Variants in CNTN3 observed in about 807,000 individuals in gnomAD.
CNTN3 encodes the protein contactin 3.
Under a neutral mutation model 119.1 loss-of-function variants are expected in CNTN3, and 60 were observed. The ratio of observed to expected loss-of-function variants is 0.50; its 90% confidence interval spans 0.41 to 0.62. The LOEUF is 0.62. CNTN3 is among the 20% of genes least tolerant of loss of function. The probability of loss-of-function intolerance (pLI) is 0.00; values close to 1 mark genes in which losing one functional copy is unlikely to be tolerated. For synonymous variants in CNTN3, 450 were observed against 438.7 expected, an observed-to-expected ratio of 1.03 and a Z score of -0.32; for missense variants, 1,101 against 1,242.4, an observed-to-expected ratio of 0.89 and a Z score of 1.71.
At chr3:74,509,638 T>C (rs937415138) in intron 2 of CNTN3, among the ~76,000 whole-genome samples, 9 of 152,174 alleles carry the variant, frequency 5.9e-5, no homozygotes, top group East Asian at 3.9e-4. Context: ...GCACAGATTA[T>C]AAATAAGTAA....
intron 3 of CNTN3, among the ~76,000 whole-genome samples, chr3:74,498,242 T>C (rs1367306548): frequency 6.6e-6 from 1 of 151,820 alleles, no homozygotes; most frequent in East Asian, 1.9e-4. Context: ...TAAAAGGTGT[T>C]AGAATGCCTT....
chr3:74,300,777 A>T (rs1448085579), intron 16 of CNTN3, among the ~76,000 whole-genome samples: 5 of 152,168 alleles, frequency 3.3e-5, no homozygotes, highest in Non-Finnish European at 7.3e-5. Context: ...GATTCTGAAA[A>T]GGCAATCTTT....
At chr3:74,427,336 G>A (rs550537412) in intron 4 of CNTN3, among the ~76,000 whole-genome samples, 6 of 152,232 alleles carry the variant, frequency 3.9e-5, no homozygotes, top group South Asian at 2.1e-4. Context: ...CCAAGTAGAC[G>A]GACAGTAGTA....
At chr3:74,433,505 A>T (rs983302048) in intron 4 of CNTN3, among the ~76,000 whole-genome samples, 1 of 152,238 alleles carries the variant, frequency 6.6e-6, no homozygotes, top group East Asian at 1.9e-4. Flanking sequence ...TAATAAGATC[A>T]TAACAGCCTC....
At chr3:74,310,525 G>A (rs1702659916) in intron 13 of CNTN3, among the ~76,000 whole-genome samples, 1 of 152,082 alleles carries the variant, frequency 6.6e-6, no homozygotes. Flanking sequence ...CAGGACCAGT[G>A]GGCTGGGACC....
Position 74,298,065 on chromosome 3 carries a change from T to C in CNTN3, c.2293A>G (p.Asn765Asp). ...SPDTPRYVFR[N>D]ESIVPYSPYE... ...GGTGAATATGGCACGATGCTTTCATTCCTAAAGACATATCTTGGGGTGTCA... is the reference window on the plus strand; with the variant it reads ...GGTGAATATGGCACGATGCTTTCATCCCTAAAGACATATCTTGGGGTGTCA... Residue 765 changes from asparagine to aspartate, a missense_variant, in exon 18 of 23, where the codon AAT (asparagine) becomes GAT (aspartate). Asn to Asp is a conservative substitution (Grantham distance 23). Transcript: ENST00000263665. 6.2e-7 allele frequency: 1 copy of C among 1,614,050 alleles called. No homozygotes were observed. The highest frequency in any genetic ancestry group is 8.5e-7 in the Non-Finnish European group (1 of 1,179,958).
chr3:74,441,542 C>G (rs1246819141), intron 4 of CNTN3, among the ~76,000 whole-genome samples: 1 of 152,112 alleles, frequency 6.6e-6, no homozygotes, highest in Non-Finnish European at 1.5e-5. Flanking sequence ...AGTAGAACCC[C>G]ACCCTTTGGT....
intron 2 of CNTN3, among the ~76,000 whole-genome samples, chr3:74,508,448 G>A (rs1294122229): frequency 2.6e-5 from 4 of 151,900 alleles, no homozygotes; most frequent in African/African-American, 9.7e-5. Context: ...GCGGAGATTG[G>A]GGTATGTCTT....
intron 1 of CNTN3, among the ~76,000 whole-genome samples, chr3:74,583,777 T>C (rs534754446): frequency 6.6e-6 from 1 of 152,348 alleles, no homozygotes; most frequent in South Asian, 2.1e-4. Context: ...AGATTATACA[T>C]TTTAAAGACA....
intron 5 of CNTN3, among the ~76,000 whole-genome samples, chr3:74,400,037 G>T (rs1301284148): frequency 6.6e-6 from 1 of 152,096 alleles, no homozygotes; most frequent in African/African-American, 2.4e-5. Context: ...TTACACTGAA[G>T]GAATCTTTTA....
intron 2 of CNTN3, among the ~76,000 whole-genome samples, chr3:74,502,271 G>A (rs1048137549): frequency 3.3e-5 from 5 of 152,066 alleles, no homozygotes; most frequent in Non-Finnish European, 7.4e-5. Flanking sequence ...TAAGAAAGCA[G>A]TGGTTTAAAC....
intron 1 of CNTN3, among the ~76,000 whole-genome samples, chr3:74,602,389 A>G (rs1704925940): frequency 6.6e-6 from 1 of 151,670 alleles, no homozygotes; most frequent in Non-Finnish European, 1.5e-5. Flanking sequence ...ATATATAAAC[A>G]TATGTTATTT....
rs80145271 is a variant in CNTN3, at chr3:74,292,593, T to C, written c.2517+2528A>G. 3.3e-5 allele frequency among the ~76,000 whole-genome samples: 5 copies of C among 151,992 alleles called. No individual in the cohort carries two copies. In the East Asian group the frequency reaches 7.7e-4, roughly 24 times the overall value. On this transcript the variant is annotated intron_variant, in intron 19 of 22. Coordinates refer to ENST00000263665, the MANE Select transcript of CNTN3 (RefSeq NM_020872.3). ...AAAAATAAATAGATAGATAAATAAA[T>C]AAAGAGCCAGAAATTATGAGAATCT...
intron 1 of CNTN3, among the ~76,000 whole-genome samples, chr3:74,548,184 A>G (rs1703940973): frequency 6.6e-6 from 1 of 152,180 alleles, no homozygotes; most frequent in Non-Finnish European, 1.5e-5. Context: ...TGGTTACACC[A>G]ATCTAATTGT....
At chr3:74,421,945 G>C (rs996073082) in intron 5 of CNTN3, among the ~76,000 whole-genome samples, 1 of 152,180 alleles carries the variant, frequency 6.6e-6, no homozygotes, top group Admixed American at 6.5e-5. Flanking sequence ...TGTCTGGTTG[G>C]CACCCAGGTC....
chr3:74,598,905 C>T (rs971156846), intron 1 of CNTN3, among the ~76,000 whole-genome samples: 1 of 151,876 alleles, frequency 6.6e-6, no homozygotes, highest in Non-Finnish European at 1.5e-5. Flanking sequence ...AAATATAATA[C>T]AGTATAATAA....
At chr3:74,393,683 CAG>C (rs1704972011) in intron 5 of CNTN3, among the ~76,000 whole-genome samples, 1 of 152,172 alleles carries the variant, frequency 6.6e-6, no homozygotes, top group South Asian at 2.1e-4. Context: ...GGCTGAAACA[CAG>C]AGGGAAATGG....
chr3:74,412,205 T>C (rs902085440), intron 5 of CNTN3, among the ~76,000 whole-genome samples: 1 of 152,178 alleles, frequency 6.6e-6, no homozygotes, highest in Non-Finnish European at 1.5e-5. Context: ...ACAGAGTTTG[T>C]ATTTATGTGT....
intron 1 of CNTN3, among the ~76,000 whole-genome samples, chr3:74,572,588 T>C (rs942209016): frequency 6.6e-6 from 1 of 152,226 alleles, no homozygotes; most frequent in Non-Finnish European, 1.5e-5. Context: ...GTTCTGTGCA[T>C]ATGTGTGTAA....
Sources: allele counts gnomAD v4.1 joint callset (sites outside exome capture counted in the v4.1 genomes callset), GRCh38; gene constraint gnomAD v4.1.1; transcripts MANE v1.5; gene names NCBI Gene and HGNC (gene_info 2026-07-23, HGNC 2026-07-21).